The following RAB3C variants were observed in gnomAD, a reference collection of about 807,000 sequenced individuals.
RAB3C encodes the protein RAB3C, member RAS oncogene family.
Under a neutral mutation model 26.4 loss-of-function variants are expected in RAB3C, and 17 were observed. The ratio of observed to expected loss-of-function variants is 0.64; its 90% confidence interval spans 0.44 to 0.97. The LOEUF (loss-of-function observed/expected upper bound fraction) is 0.97, where lower values mean the gene tolerates loss of function less well. RAB3C is among the 50% of genes least tolerant of loss of function. RAB3C has a pLI of 0.00. For synonymous variants in RAB3C, 91 were observed against 95.9 expected (o/e 0.95, Z 0.30); for missense variants, 242 against 281.9 (o/e 0.86, Z 1.01).
chr5:58,761,063 T>TCACACACACACACACACA (rs3060342), intron 3 of RAB3C, among the ~76,000 whole-genome samples: 1 of 144,718 alleles, frequency 6.9e-6, no homozygotes, highest in African/African-American at 2.6e-5. Context: ...TCTCTCTCTC[T>TCACACACACACACACACA]CACACACACA....
intron 2 of RAB3C, among the ~76,000 whole-genome samples, chr5:58,721,326 TC>T (rs1740755125): frequency 1.3e-5 from 2 of 151,656 alleles, no homozygotes; most frequent in Admixed American, 1.3e-4. Flanking sequence ...CACATTTTTA[TC>T]CCTCATTTTC....
chr5:58,611,753 A>G (rs1355170943), intron 1 of RAB3C, among the ~76,000 whole-genome samples: 1 of 151,918 alleles, frequency 6.6e-6, no homozygotes, highest in African/African-American at 2.4e-5. Context: ...CTATTTGCCA[A>G]TTTTTGCTTT....
chr5:58,780,140 A>G (rs896680157), intron 3 of RAB3C, among the ~76,000 whole-genome samples: 1 of 152,096 alleles, frequency 6.6e-6, no homozygotes, highest in Non-Finnish European at 1.5e-5. Context: ...TGGGCATGCT[A>G]TTGGCAGCAA....
At chr5:58,676,374 G>C (rs1459119036) in intron 2 of RAB3C, among the ~76,000 whole-genome samples, 1 of 152,018 alleles carries the variant, frequency 6.6e-6, no homozygotes, top group African/African-American at 2.4e-5. Context: ...GTGGTGGCAG[G>C]CGCTTGTAAT....
Position 58,825,092 on chromosome 5 carries a change from G to A in RAB3C, c.426G>A (p.Gly142=), listed in dbSNP as rs756965310. Residue 142 remains glycine, a synonymous_variant, in exon 4 of 5, where the codon GGG becomes GGA. Transcript: ENST00000282878. ...ACAATGCCCAAGTTATTCTGGTTGG[G>A]AACAAGTGTGACATGGAAGACGAGC... ...SWDNAQVILV[G]NKCDMEDERV... 114 of 1,613,372 alleles carry A rather than the reference G, an allele frequency of 7.1e-5. 3 individuals carry two copies. In the South Asian group the frequency reaches 1.2e-3, roughly 18 times the overall value.
rs186044990 is a variant in RAB3C at position 58,777,844 on chromosome 5, G to A, written c.372-47194G>A. ...CCACCTCTAAGTGAGAACATGTGGT[G>A]TTTGGTTTTTTGTCCTTGCGATAGT... On this transcript the variant is annotated intron_variant, in intron 3 of 4. Coordinates refer to ENST00000282878, the MANE Select transcript of RAB3C (RefSeq NM_138453.4). 2.6e-5 allele frequency among the ~76,000 whole-genome samples: 4 copies of A among 151,882 alleles called. No homozygotes were observed. The East Asian group carries it at 5.8e-4, about 22-fold the overall frequency.
chr5:58,595,536 A>G (rs1297716671), intron 1 of RAB3C, among the ~76,000 whole-genome samples: 1 of 152,116 alleles, frequency 6.6e-6, no homozygotes, highest in Non-Finnish European at 1.5e-5. Context: ...GACCACATAT[A>G]TGTGTCCTGG....
chr5:58,596,204 C>T (rs919409231), intron 1 of RAB3C, among the ~76,000 whole-genome samples: 16 of 151,844 alleles, frequency 1.1e-4, no homozygotes, highest in Non-Finnish European at 1.6e-4. Context: ...CTACCCATAC[C>T]CTATAATCAA....
chr5:58,599,085 G>A (rs901353137), intron 1 of RAB3C, among the ~76,000 whole-genome samples: 3 of 152,116 alleles, frequency 2.0e-5, no homozygotes, highest in African/African-American at 7.2e-5. Context: ...ATGTTCATGA[G>A]TAGCAAAGGA....
At chr5:58,825,963 A>G (rs1194172968) in intron 4 of RAB3C, among the ~76,000 whole-genome samples, 2 of 152,234 alleles carry the variant, frequency 1.3e-5, no homozygotes, top group African/African-American at 4.8e-5. Flanking sequence ...CTCCCAATCG[A>G]GTGGACACTG....
chr5:58,766,852 AC>A lies in RAB3C; in HGVS notation c.371+40736del, dbSNP rs535142675. Among the ~76,000 whole-genome samples the A allele has an allele frequency of 5.9e-3, 898 of 152,304 alleles. 7 individuals are homozygous for A. Among genetic ancestry groups the A allele is most frequent in the African/African-American group, 0.02 (848 of 41,558 alleles). Reference sequence around the variant, plus strand: ...ATGTAGAATCTGATATACCAAAGCCACCCCAGCCAGGAGACATCTGGCAGAA... The same window carrying A: ...ATGTAGAATCTGATATACCAAAGCCACCCAGCCAGGAGACATCTGGCAGAA... On this transcript the variant is annotated intron_variant, in intron 3 of 4. Coordinates refer to ENST00000282878, the MANE Select transcript of RAB3C (RefSeq NM_138453.4).
At chr5:58,589,089 T>C (rs1746074044) in intron 1 of RAB3C, among the ~76,000 whole-genome samples, 2 of 152,180 alleles carry the variant, frequency 1.3e-5, no homozygotes, top group African/African-American at 4.8e-5. Context: ...TTTATTATAT[T>C]GAACAAATTT....
rs1425629345 is a variant in RAB3C, at chr5:58,852,861, T to G, written c.*1510T>G. ...TTTTTGGTGGTTATGTCAAAGAATT[T>G]TTTTCCTCTTCTCAAAAATAGAGAG... On this transcript the variant is annotated 3_prime_UTR_variant, in exon 5 of 5. Transcript: ENST00000282878. The G allele has an allele frequency of 9.6e-6, 1 of 104,526 alleles. No individual in the cohort carries two copies. Among genetic ancestry groups the G allele is most frequent in the Admixed American group, 9.7e-5 (1 of 10,298 alleles). 6.5% of individuals were successfully genotyped at this position (104,526 alleles called of 1,614,324 possible). A position where few individuals can be genotyped will look rare whatever the true frequency, so the allele number is the denominator to read the frequency against.
chr5:58,744,513 A>G (rs1434218375), intron 3 of RAB3C, among the ~76,000 whole-genome samples: 1 of 152,188 alleles, frequency 6.6e-6, no homozygotes, highest in African/African-American at 2.4e-5. Context: ...GAGCATGAAC[A>G]GCAACTGGAG....
At chr5:58,804,106 T>G (rs1742879510) in intron 3 of RAB3C, among the ~76,000 whole-genome samples, 1 of 152,046 alleles carries the variant, frequency 6.6e-6, no homozygotes, top group South Asian at 2.1e-4. Context: ...GATCTTTAGC[T>G]AATTATTCTT....
At chr5:58,796,626 G>A (rs1742655866) in intron 3 of RAB3C, among the ~76,000 whole-genome samples, 3 of 152,278 alleles carry the variant, frequency 2.0e-5, no homozygotes, top group South Asian at 2.1e-4. Context: ...CCTGGAGACT[G>A]TCATGCAGGA....
At chr5:58,849,010 T>C (rs942347040) in intron 4 of RAB3C, among the ~76,000 whole-genome samples, 1 of 152,204 alleles carries the variant, frequency 6.6e-6, no homozygotes. Context: ...CATGTTGGCT[T>C]CTGAGATCAA....
chr5:58,612,530 A>ATATATG (rs1746732544), intron 1 of RAB3C, among the ~76,000 whole-genome samples: 12 of 69,340 alleles, frequency 1.7e-4, no homozygotes, highest in African/African-American at 4.8e-4. Context: ...GTATATATAT[A>ATATATG]TATATATATA....
intron 2 of RAB3C, among the ~76,000 whole-genome samples, chr5:58,634,888 GAAGATGAAGACTTATTTC>G (rs1467515102): frequency 1.3e-5 from 2 of 152,180 alleles, no homozygotes; most frequent in Non-Finnish European, 2.9e-5. Flanking sequence ...CTTCGCAGAA[GAAGATGAAGACTTATTTC>G]AAGATGAAGA....
Sources: allele counts gnomAD v4.1 joint callset (sites outside exome capture counted in the v4.1 genomes callset), GRCh38; gene constraint gnomAD v4.1.1; transcripts MANE v1.5; gene names NCBI Gene and HGNC (gene_info 2026-07-23, HGNC 2026-07-21).